Variants in PTPRN2 observed in about 807,000 individuals in gnomAD.
The protein encoded by PTPRN2 is receptor-type tyrosine-protein phosphatase N2.
In PTPRN2, 74 loss-of-function variants were observed where a neutral mutation model predicts 118.8. The observed-to-expected ratio is 0.62, with a 90% confidence interval of 0.52 to 0.76. PTPRN2 has a LOEUF of 0.76. PTPRN2 is among the 30% of genes least tolerant of loss of function. The pLI is 0.00. For missense variants in PTPRN2, 1,481 were observed against 1,394.4 expected (o/e 1.06, Z -0.99); for synonymous variants, 641 against 608.0 (o/e 1.05, Z -0.80).
chr7:157,921,189 C>A (rs141816508), intron 11 of PTPRN2, among the ~76,000 whole-genome samples: 2 of 152,254 alleles, frequency 1.3e-5, no homozygotes, highest in Non-Finnish European at 2.9e-5. Flanking sequence ...CTTGCAGGAA[C>A]CTTAAATGCC....
rs752484037 is a variant in PTPRN2, at chr7:158,327,329, ACAC to A, written c.164-10400_164-10398del. On this transcript the variant is annotated intron_variant, in intron 2 of 22. Coordinates refer to ENST00000389418, the MANE Select transcript of PTPRN2 (RefSeq NM_002847.5). The stretch of plus-strand genomic sequence containing the variant: ...CACACATACACATTCTCACATGCAC[ACAC>A]GTGCTCACACATGCTCACACATGTA... Among the ~76,000 whole-genome samples the A allele has an allele frequency of 4.6e-5, 7 of 151,198 alleles. 1 individual carries two copies. The South Asian group carries it at 1.5e-3, about 32-fold the overall frequency.
chr7:158,475,366 TG>T (rs2129444548), intron 2 of PTPRN2, among the ~76,000 whole-genome samples: 1 of 150,998 alleles, frequency 6.6e-6, no homozygotes, highest in African/African-American at 2.4e-5. Flanking sequence ...CTTCAGCACC[TG>T]TTCTAGTTCC....
At chr7:157,737,158 A>T (rs1399133976) in intron 12 of PTPRN2, among the ~76,000 whole-genome samples, 2 of 152,232 alleles carry the variant, frequency 1.3e-5, no homozygotes, top group Non-Finnish European at 2.9e-5. Flanking sequence ...CATGTATTTC[A>T]TGAAGCTTCG....
At chr7:158,511,023 T>A (rs1823142320) in intron 1 of PTPRN2, among the ~76,000 whole-genome samples, 1 of 152,236 alleles carries the variant, frequency 6.6e-6, no homozygotes, top group African/African-American at 2.4e-5. Context: ...AGAACTATCA[T>A]CAATAGGTGA....
At chr7:157,759,209 G>A (rs1019635417) in intron 12 of PTPRN2, among the ~76,000 whole-genome samples, 5 of 152,208 alleles carry the variant, frequency 3.3e-5, no homozygotes, top group Admixed American at 6.5e-5. Flanking sequence ...GCAGGCGGTC[G>A]GCATTGTTAC....
intron 12 of PTPRN2, among the ~76,000 whole-genome samples, chr7:157,832,361 T>C (rs958652902): frequency 7.2e-5 from 11 of 152,170 alleles, no homozygotes; most frequent in African/African-American, 2.7e-4. Flanking sequence ...CTAATCCATG[T>C]TGGTCTGTTC....
At position 158,563,013 on chromosome 7, in the gene PTPRN2, C is replaced by T. The variant is rs1032475727; in HGVS notation, c.112+24545G>A. On this transcript the variant is annotated intron_variant, in intron 1 of 22. Coordinates refer to ENST00000389418, the MANE Select transcript of PTPRN2 (RefSeq NM_002847.5). This position sits in a 1 kb window ranked among gnomAD's most constrained non-coding sequence, Gnocchi z 5.1. Reference sequence around the variant, plus strand: ...CAAATGTTTCCTGGCCCAGGAAAACCTACATTGAGGGGGCAGGGTGTGGTC... The same window carrying T: ...CAAATGTTTCCTGGCCCAGGAAAACTTACATTGAGGGGGCAGGGTGTGGTC... 1.3e-5 allele frequency among the ~76,000 whole-genome samples: 2 copies of T among 152,118 alleles called. No homozygotes were observed. The highest frequency in any genetic ancestry group is 2.9e-5 in the Non-Finnish European group (2 of 68,000).
intron 20 of PTPRN2, 97 bp from the exon 21 acceptor site, chr7:157,569,063 G>A: frequency 8.4e-7 from 1 of 1,189,312 alleles, no homozygotes. Flanking sequence ...CTGCTTACGG[G>A]GGCCGGCGAG....
chr7:158,405,564 G>A (rs865948072), intron 2 of PTPRN2, among the ~76,000 whole-genome samples: 4 of 152,200 alleles, frequency 2.6e-5, no homozygotes, highest in South Asian at 2.1e-4. Context: ...GCTAAGAAAC[G>A]GGGCATGCAC....
intron 11 of PTPRN2, among the ~76,000 whole-genome samples, chr7:158,014,431 C>G (rs1325030599): frequency 1.3e-5 from 2 of 151,670 alleles, no homozygotes; most frequent in South Asian, 2.1e-4. Flanking sequence ...ACCTGCTCAT[C>G]TATTCATCCA....
intron 1 of PTPRN2, among the ~76,000 whole-genome samples, chr7:158,580,903 C>T (rs1447837537): frequency 2.0e-5 from 3 of 152,162 alleles, no homozygotes. Flanking sequence ...TCGCCCATTT[C>T]CAAACATCAA....
intron 1 of PTPRN2, among the ~76,000 whole-genome samples, chr7:158,534,774 CAT>C (rs1338072408): frequency 1.3e-5 from 2 of 151,974 alleles, no homozygotes; most frequent in Non-Finnish European, 2.9e-5. Context: ...AGACATTCTC[CAT>C]ATGTTTCTTG....
At chr7:158,395,826 G>GGCCT (rs375304206) in intron 2 of PTPRN2, among the ~76,000 whole-genome samples, 2,090 of 150,332 alleles carry the variant, frequency 0.014, 86 homozygotes, top group African/African-American at 0.049. Context: ...GAGGGCTCCC[G>GGCCT]GCCTGCGCCG....
intron 2 of PTPRN2, among the ~76,000 whole-genome samples, chr7:158,477,749 G>A (rs977479363): frequency 1.3e-5 from 2 of 152,178 alleles, no homozygotes; most frequent in African/African-American, 4.8e-5. Context: ...TATTTCCAAG[G>A]CAGCATCACC....
Position 157,676,982 on chromosome 7 carries a change from A to G in PTPRN2, c.2001+5743T>C, listed in dbSNP as rs557533720. ...CACCCGCTCCACAGACACCACGCAC[A>G]CCGCCCCTCCCCTGGTGCTGTGTGA... is the stretch of plus-strand genomic sequence containing the variant. On this transcript the variant is annotated intron_variant, in intron 13 of 22. Transcript: ENST00000389418. This position sits in a 1 kb window ranked among gnomAD's most constrained non-coding sequence, Gnocchi z 5.6. 5.0e-4 allele frequency among the ~76,000 whole-genome samples: 76 copies of G among 152,088 alleles called. No individual in the cohort carries two copies. Among genetic ancestry groups the G allele is most frequent in the Non-Finnish European group, 8.1e-4 (55 of 67,976 alleles).
intron 2 of PTPRN2, among the ~76,000 whole-genome samples, chr7:158,388,411 G>A (rs548446953): frequency 2.6e-5 from 4 of 152,216 alleles, no homozygotes; most frequent in African/African-American, 7.2e-5. Flanking sequence ...CAACCTCCTC[G>A]GGTGCAATTT....
At chr7:157,682,652 A>G in intron 13 of PTPRN2, 73 bp downstream of exon 13, 1 of 1,437,026 alleles carries the variant, frequency 7.0e-7, no homozygotes, top group Admixed American at 1.7e-5. Flanking sequence ...AGGAGGGGCC[A>G]GAGAGGAACG....
rs370992364 is a variant in PTPRN2 at position 158,515,695 on chromosome 7, C to T, written c.113-25910G>A. On this transcript the variant is annotated intron_variant, in intron 1 of 22. Transcript: ENST00000389418. ...CCCATCGGCCTCTGCAATCCCTCTT[C>T]CCAGTTCCTTCCTGTTTCCCTACTC... Among the ~76,000 whole-genome samples, 32 of 152,276 alleles carry T rather than the reference C, an allele frequency of 2.1e-4. No homozygotes were observed. The South Asian group carries it at 6.2e-3, about 30-fold the overall frequency.
chr7:157,833,753 C>T (rs1480438511), intron 12 of PTPRN2, among the ~76,000 whole-genome samples: 2 of 152,232 alleles, frequency 1.3e-5, no homozygotes, highest in African/African-American at 4.8e-5. Flanking sequence ...GCTTCAATTT[C>T]CTTCCAGATA....
Sources: allele counts gnomAD v4.1 joint callset (sites outside exome capture counted in the v4.1 genomes callset), GRCh38; gene constraint gnomAD v4.1.1; non-coding constraint Gnocchi (gnomAD v3.1); transcripts MANE v1.5; gene names NCBI Gene and HGNC (gene_info 2026-07-23, HGNC 2026-07-21).